Variants in IGF1R observed in about 807,000 individuals in gnomAD.
IGF1R encodes the protein insulin-like growth factor 1 receptor.
In IGF1R, 44 loss-of-function variants were observed where a neutral mutation model predicts 144.6. The observed-to-expected ratio is 0.30, with a 90% CI of 0.24 to 0.39. IGF1R has a LOEUF of 0.39. IGF1R is among the 10% of genes least tolerant of loss of function. The pLI is 1.00. For missense variants in IGF1R, 1,355 were observed against 1,833.7 expected, an observed-to-expected ratio of 0.74 and a Z score of 4.77; for synonymous variants, 795 against 722.8, an observed-to-expected ratio of 1.10 and a Z score of -1.60.
chr15:98,696,026 CTTTTT>C (rs11306652), intron 1 of IGF1R, among the ~76,000 whole-genome samples: 3 of 115,680 alleles, frequency 2.6e-5, no homozygotes, highest in Non-Finnish European at 5.5e-5. Context: ...ACTTTTTCTT[CTTTTT>C]TTTTTTTTTT....
rs2017133290 is a variant in IGF1R at position 98,959,321 on chromosome 15, C to G, written c.*1879C>G. ...ATCCCACGAAAAACAGCTGCTGAGT[C>G]CAAGGGAGCAGCAGAGCGTGGTCCG... is the stretch of plus-strand genomic sequence containing the variant. On this transcript the variant is annotated 3_prime_UTR_variant, in exon 21 of 21. Coordinates refer to ENST00000650285, the MANE Select transcript of IGF1R (RefSeq NM_000875.5). 3 of 233,548 alleles carry G rather than the reference C, an allele frequency of 1.3e-5. No homozygotes were observed. Among genetic ancestry groups the G allele is most frequent in the Non-Finnish European group, 2.5e-5 (3 of 118,014 alleles). 14.5% of individuals were successfully genotyped at this position (233,548 alleles called of 1,614,324 possible).
intron 2 of IGF1R, among the ~76,000 whole-genome samples, chr15:98,848,982 A>G (rs905412448): frequency 2.6e-5 from 4 of 152,246 alleles, no homozygotes; most frequent in Non-Finnish European, 5.9e-5. Context: ...ATCATTAGCA[A>G]GATGGCAAGA....
At chr15:98,936,861 C>T (rs1313425541) in intron 17 of IGF1R, among the ~76,000 whole-genome samples, 1 of 152,096 alleles carries the variant, frequency 6.6e-6, no homozygotes, top group Non-Finnish European at 1.5e-5. Context: ...CACTCACTCA[C>T]TTTCTCTGGC....
Position 98,922,299 on chromosome 15 carries a change from A to G in IGF1R, c.2353A>G (p.Lys785Glu). Residue 785 changes from lysine (K) to glutamate (E), a missense_variant, in exon 11 of 21, where the codon AAG (lysine) becomes GAG (glutamate). Lys to Glu is a moderately conservative substitution (Grantham distance 56). Around this residue, in one of 7 missense-constraint regions of IGF1R, gnomAD observed 880 missense variants for 1,202.7 expected, o/e 0.73. Coordinates refer to ENST00000650285, the MANE Select transcript of IGF1R (RefSeq NM_000875.5). ...YPFFESRVDN[K>E]ERTVISNLRP... ...TTTCTTTGAGAGCAGAGTGGATAACAAGGAGAGAACTGTCATTTCTAACCT... is the reference window on the plus strand; with the variant it reads ...TTTCTTTGAGAGCAGAGTGGATAACGAGGAGAGAACTGTCATTTCTAACCT... The G allele has an allele frequency of 6.2e-7, 1 of 1,614,188 alleles. No individual in the cohort carries two copies.
At chr15:98,698,899 A>G (rs767908648) in intron 1 of IGF1R, among the ~76,000 whole-genome samples, 2 of 152,214 alleles carry the variant, frequency 1.3e-5, no homozygotes, top group Non-Finnish European at 2.9e-5. Flanking sequence ...CTAATTGAAA[A>G]GAGTACAGGT....
At chr15:98,906,028 T>A (rs1438054695) in intron 5 of IGF1R, among the ~76,000 whole-genome samples, 1 of 152,196 alleles carries the variant, frequency 6.6e-6, no homozygotes, top group East Asian at 1.9e-4. Flanking sequence ...AATGCCTGGG[T>A]TTTATTGATA....
chr15:98,957,725 G>T lies in IGF1R; in HGVS notation c.*283G>T. 1.9e-6 allele frequency: 1 copy of T among 516,982 alleles called. No individual in the cohort carries two copies. Among genetic ancestry groups the T allele is most frequent in the Non-Finnish European group, 3.5e-6 (1 of 287,656 alleles). The allele number at this position is 516,982 out of a possible 1,614,324, so 32.0% of individuals were successfully genotyped here. The stretch of plus-strand genomic sequence containing the variant: ...CACTTAATAGCAACAGAGCACTTGA[G>T]AACCAGTCTCCTCACTCTGTCCCTG... On this transcript the variant is annotated 3_prime_UTR_variant, in exon 21 of 21. Transcript: ENST00000650285.
intron 1 of IGF1R, among the ~76,000 whole-genome samples, chr15:98,696,360 G>GA (rs2053598028): frequency 1.3e-5 from 2 of 152,198 alleles, no homozygotes; most frequent in Non-Finnish European, 2.9e-5. Flanking sequence ...CCTCCCACTA[G>GA]AGACCTTCCT....
At position 98,768,935 on chromosome 15, in the gene IGF1R, ACAAC is replaced by A. The variant is rs755888876; in HGVS notation, c.640+60829_640+60832del. On this transcript the variant is annotated intron_variant, in intron 2 of 20. Coordinates refer to ENST00000650285, the MANE Select transcript of IGF1R (RefSeq NM_000875.5). ...AGAGTGAGATTCCGTCTCAAAAACA[ACAAC>A]AACAACAACAACAACAACAACACCT... is the stretch of plus-strand genomic sequence containing the variant. Among the ~76,000 whole-genome samples the A allele has an allele frequency of 8.3e-5, 6 of 72,504 alleles. No homozygotes were observed. In the East Asian group the frequency reaches 3.2e-3, roughly 38 times the overall value. The allele number at this position is 72,504 out of a possible 152,430, so 47.6% of individuals were successfully genotyped here.
In IGF1R at chr15:98,927,213, C is replaced by T. The variant is rs138635953; in HGVS notation, c.2783-2345C>T. Among the ~76,000 whole-genome samples, 334 of 152,318 alleles carry T rather than the reference C, an allele frequency of 2.2e-3. 2 individuals are homozygous for T. The highest frequency in any genetic ancestry group is 3.4e-3 in the Non-Finnish European group (231 of 68,018). ...ACTGCAGGGAAATTGGATCTGCGTG[C>T]TGGCCTTACTGTTGAGAAATTTTTC... On this transcript the variant is annotated intron_variant, in intron 13 of 20. Coordinates refer to ENST00000650285, the MANE Select transcript of IGF1R (RefSeq NM_000875.5).
At chr15:98,943,915 C>T (rs1596476998) in intron 19 of IGF1R, among the ~76,000 whole-genome samples, 2 of 152,084 alleles carry the variant, frequency 1.3e-5, no homozygotes, top group East Asian at 1.9e-4. Context: ...TTTCACAGTT[C>T]AGGGGCCTTG....
chr15:98,922,905 C>T (rs1441395872), intron 11 of IGF1R, among the ~76,000 whole-genome samples: 4 of 152,200 alleles, frequency 2.6e-5, no homozygotes, highest in Non-Finnish European at 4.4e-5. Flanking sequence ...TGTTGTTAGA[C>T]ACTGCCTGTC....
rs185569470 is a variant in IGF1R at position 98,721,143 on chromosome 15, C to T, written c.640+13036C>T. Among the ~76,000 whole-genome samples the T allele has an allele frequency of 5.4e-3, 820 of 152,318 alleles. 9 individuals are homozygous for T. Among genetic ancestry groups the T allele is most frequent in the African/African-American group, 0.019 (771 of 41,558 alleles). ...GAGGCTACGCTCTTCGTGGTTTCTCCTTAACCATCACCCACTTGATCTTCC... is the reference window on the plus strand; with the variant it reads ...GAGGCTACGCTCTTCGTGGTTTCTCTTTAACCATCACCCACTTGATCTTCC... On this transcript the variant is annotated intron_variant, in intron 2 of 20. Coordinates refer to ENST00000650285, the MANE Select transcript of IGF1R (RefSeq NM_000875.5).
intron 2 of IGF1R, among the ~76,000 whole-genome samples, chr15:98,744,002 A>G (rs2054807344): frequency 6.6e-6 from 1 of 152,066 alleles, no homozygotes; most frequent in Admixed American, 6.6e-5. Flanking sequence ...TCAGGTGGGG[A>G]CTGTGAGCAT....
At chr15:98,799,081 C>T (rs1057002077) in intron 2 of IGF1R, among the ~76,000 whole-genome samples, 1 of 152,080 alleles carries the variant, frequency 6.6e-6, no homozygotes, top group Non-Finnish European at 1.5e-5. Flanking sequence ...AACTATGCCC[C>T]TACCCCAGGA....
intron 2 of IGF1R, among the ~76,000 whole-genome samples, chr15:98,836,205 T>C (rs2057097995): frequency 6.6e-6 from 1 of 152,010 alleles, no homozygotes. Flanking sequence ...CTCTCTCAGC[T>C]TTTTATTTTG....
intron 2 of IGF1R, among the ~76,000 whole-genome samples, chr15:98,727,369 G>A (rs964337905): frequency 2.0e-5 from 3 of 152,158 alleles, no homozygotes; most frequent in Non-Finnish European, 2.9e-5. Context: ...TTGGGCCAGT[G>A]TAGGTTTACA....
At chr15:98,777,375 G>T (rs1488379140) in intron 2 of IGF1R, among the ~76,000 whole-genome samples, 2 of 152,260 alleles carry the variant, frequency 1.3e-5, no homozygotes, top group African/African-American at 2.4e-5. Context: ...AGGGAAGAAG[G>T]TTGCCTTGAA....
chr15:98,842,970 T>G (rs1277392335), intron 2 of IGF1R, among the ~76,000 whole-genome samples: 1 of 152,204 alleles, frequency 6.6e-6, no homozygotes, highest in Non-Finnish European at 1.5e-5. Flanking sequence ...TAAATGGCAA[T>G]ATGTGTAACG....
Sources: allele counts gnomAD v4.1 joint callset (sites outside exome capture counted in the v4.1 genomes callset), GRCh38; gene constraint gnomAD v4.1.1; regional missense constraint gnomAD v4.1.1; transcripts MANE v1.5; gene names NCBI Gene and HGNC (gene_info 2026-07-23, HGNC 2026-07-21).